The following RBMS3 variants were observed in gnomAD, a reference collection of about 807,000 sequenced individuals.
RBMS3 encodes the protein RNA binding motif single stranded interacting protein 3.
RBMS3 carries 27 observed loss-of-function variants against 66.8 expected under a neutral mutation model. That is an observed-to-expected ratio of 0.40 (90% confidence interval 0.30 to 0.56). The LOEUF is 0.56. Ranked by LOEUF, RBMS3 falls within the 20% of genes least tolerant of loss-of-function variation. RBMS3 has a pLI of 0.40. For synonymous variants in RBMS3, 188 were observed against 183.0 expected, an observed-to-expected ratio of 1.03 and a Z score of -0.22; for missense variants, 513 against 549.5, an observed-to-expected ratio of 0.93 and a Z score of 0.66.
At chr3:29,935,542 A>G (rs2061245208) in intron 10 of RBMS3, among the ~76,000 whole-genome samples, 1 of 152,128 alleles carries the variant, frequency 6.6e-6, no homozygotes, top group Non-Finnish European at 1.5e-5. Context: ...AGTAATTTCG[A>G]TTTTTAGATT....
At chr3:29,800,834 A>G (rs2057366024) in intron 6 of RBMS3, among the ~76,000 whole-genome samples, 1 of 152,000 alleles carries the variant, frequency 6.6e-6, no homozygotes, top group Non-Finnish European at 1.5e-5. Flanking sequence ...TCCATATCAC[A>G]GTATTTTGCT....
intron 3 of RBMS3, among the ~76,000 whole-genome samples, chr3:29,563,709 A>T (rs2046636078): frequency 1.3e-5 from 2 of 152,312 alleles, no homozygotes; most frequent in South Asian, 4.1e-4. Context: ...ATGTGTAAAT[A>T]TTATAATTGG....
chr3:29,314,720 G>A (rs1303252112), intron 1 of RBMS3, among the ~76,000 whole-genome samples: 1 of 151,718 alleles, frequency 6.6e-6, no homozygotes, highest in Non-Finnish European at 1.5e-5. Flanking sequence ...AAGTGGCCTT[G>A]ACTTTGATTT....
rs186568717 is a variant in RBMS3 at position 29,806,599 on chromosome 3, T to C, written c.637+43610T>C. ...ACGAGCACAGAGTCTACAAGTAAAA[T>C]GTAAATTTTATGTAGCAAAGAAAAC... On this transcript the variant is annotated intron_variant, in intron 6 of 14. Coordinates refer to ENST00000383767, the MANE Select transcript of RBMS3 (RefSeq NM_001003793.3). 4.6e-5 allele frequency among the ~76,000 whole-genome samples: 7 copies of C among 151,974 alleles called. No individual in the cohort carries two copies. The East Asian group carries it at 7.7e-4, about 17-fold the overall frequency.
intron 1 of RBMS3, among the ~76,000 whole-genome samples, chr3:29,299,513 A>G (rs1220873649): frequency 6.6e-6 from 1 of 151,884 alleles, no homozygotes; most frequent in African/African-American, 2.4e-5. Flanking sequence ...GGCCCTCCAC[A>G]TCTGTGGGCT....
chr3:29,952,770 A>T (rs1487466650), intron 12 of RBMS3, among the ~76,000 whole-genome samples: 2 of 151,848 alleles, frequency 1.3e-5, no homozygotes, highest in Non-Finnish European at 2.9e-5. Context: ...GGAATATATC[A>T]GTATATTATT....
intron 12 of RBMS3, among the ~76,000 whole-genome samples, chr3:29,954,393 G>T (rs1469026431): frequency 6.6e-6 from 1 of 151,808 alleles, no homozygotes; most frequent in Non-Finnish European, 1.5e-5. Context: ...TCTCAATCCA[G>T]TTTCTTCTGC....
At chr3:29,493,625 G>GT (rs1284974397) in intron 3 of RBMS3, among the ~76,000 whole-genome samples, 1 of 148,460 alleles carries the variant, frequency 6.7e-6, no homozygotes, top group Non-Finnish European at 1.5e-5. Context: ...AATCTGTTCT[G>GT]TTTTTTTGGG....
At chr3:29,627,080 A>G (rs974847047) in intron 4 of RBMS3, among the ~76,000 whole-genome samples, 1 of 152,150 alleles carries the variant, frequency 6.6e-6, no homozygotes, top group East Asian at 1.9e-4. Flanking sequence ...CTCTTTCATT[A>G]CTGTGACGGA....
At chr3:29,542,192 T>C (rs917886423) in intron 3 of RBMS3, among the ~76,000 whole-genome samples, 9 of 152,222 alleles carry the variant, frequency 5.9e-5, no homozygotes, top group African/African-American at 2.2e-4. Context: ...GAACAATTAC[T>C]GGGTGAGATT....
At chr3:29,911,068 A>G (rs1306565789) in intron 10 of RBMS3, among the ~76,000 whole-genome samples, 1 of 152,128 alleles carries the variant, frequency 6.6e-6, no homozygotes, top group African/African-American at 2.4e-5. Context: ...TGCAAAGTCT[A>G]TAAGCAGTAA....
intron 4 of RBMS3, among the ~76,000 whole-genome samples, chr3:29,709,215 G>A (rs550538377): frequency 3.9e-5 from 6 of 152,246 alleles, no homozygotes; most frequent in Admixed American, 3.3e-4. Flanking sequence ...TGCAGCCAAC[G>A]AGTAATCAGT....
chr3:29,959,573 A>G (rs1352432060), intron 12 of RBMS3, among the ~76,000 whole-genome samples: 1 of 152,218 alleles, frequency 6.6e-6, no homozygotes, highest in East Asian at 1.9e-4. Context: ...GGGAAAGGAT[A>G]AAATGATTAA....
intron 7 of RBMS3, among the ~76,000 whole-genome samples, chr3:29,869,168 T>G (rs957673201): frequency 6.6e-6 from 1 of 152,182 alleles, no homozygotes; most frequent in Non-Finnish European, 1.5e-5. Context: ...ACCTCAGTTC[T>G]GCACTACAGC....
chr3:29,304,284 T>C (rs2033870910), intron 1 of RBMS3, among the ~76,000 whole-genome samples: 2 of 152,032 alleles, frequency 1.3e-5, no homozygotes. Flanking sequence ...ACTTGCCCAG[T>C]GGATGGTACT....
At chr3:29,657,228 T>C (rs923984611) in intron 4 of RBMS3, among the ~76,000 whole-genome samples, 1 of 152,224 alleles carries the variant, frequency 6.6e-6, no homozygotes, top group Admixed American at 6.5e-5. Context: ...CATTTTATAA[T>C]CTACCAGGTA....
intron 5 of RBMS3, among the ~76,000 whole-genome samples, chr3:29,745,758 C>T (rs1002288388): frequency 6.6e-6 from 1 of 151,998 alleles, no homozygotes; most frequent in Non-Finnish European, 1.5e-5. Context: ...TTTGCCCTTC[C>T]TCAATACTCT....
intron 6 of RBMS3, among the ~76,000 whole-genome samples, chr3:29,856,888 G>A (rs112768600): frequency 0.024 from 3,612 of 152,168 alleles, 139 homozygotes; most frequent in African/African-American, 0.083. Flanking sequence ...GAAAAACTCA[G>A]TTTCTAGGAC....
chr3:29,660,333 A>G (rs574810824), intron 4 of RBMS3, among the ~76,000 whole-genome samples: 1 of 152,294 alleles, frequency 6.6e-6, no homozygotes, highest in East Asian at 1.9e-4. Flanking sequence ...TAGTCTATTT[A>G]GTCTGAGAGT....
Sources: allele counts gnomAD v4.1 joint callset (sites outside exome capture counted in the v4.1 genomes callset), GRCh38; gene constraint gnomAD v4.1.1; transcripts MANE v1.5; gene names NCBI Gene and HGNC (gene_info 2026-07-23, HGNC 2026-07-21).